Variants in RASGEF1C observed in about 807,000 individuals in gnomAD.
RASGEF1C encodes the protein ras-GEF domain-containing family member 1C.
RASGEF1C carries 27 observed loss-of-function variants against 58.1 expected under a neutral mutation model. The ratio of observed to expected loss-of-function variants is 0.46; its 90% confidence interval spans 0.34 to 0.64. The LOEUF is 0.64. Ranked by LOEUF, RASGEF1C falls within the 30% of genes least tolerant of loss-of-function variation. The probability of loss-of-function intolerance (pLI) is 0.01; values close to 1 mark genes in which losing one functional copy is unlikely to be tolerated. For missense variants in RASGEF1C, 502 were observed against 605.1 expected, an observed-to-expected ratio of 0.83 and a Z score of 1.79; for synonymous variants, 243 against 246.3, an observed-to-expected ratio of 0.99 and a Z score of 0.13.
chr5:180,129,130 G>A (rs982354386), intron 4 of RASGEF1C, among the ~76,000 whole-genome samples: 4 of 152,162 alleles, frequency 2.6e-5, no homozygotes, highest in East Asian at 3.9e-4. Flanking sequence ...CAGGGCCCAC[G>A]GGGGACTGAC....
At chr5:180,194,875 G>C (rs1756237770) in intron 1 of RASGEF1C, among the ~76,000 whole-genome samples, 1 of 152,220 alleles carries the variant, frequency 6.6e-6, no homozygotes, top group African/African-American at 2.4e-5. Context: ...TGAGTGACCT[G>C]CTGCAGCTCA....
chr5:180,173,788 C>T (rs1012478481), intron 1 of RASGEF1C, among the ~76,000 whole-genome samples: 6 of 152,080 alleles, frequency 3.9e-5, no homozygotes, highest in Non-Finnish European at 8.8e-5. Context: ...TGGTGGGCGC[C>T]TGTAATCCCA....
At chr5:180,176,868 C>CT (rs1477784725) in intron 1 of RASGEF1C, among the ~76,000 whole-genome samples, 8 of 152,154 alleles carry the variant, frequency 5.3e-5, no homozygotes, top group African/African-American at 7.2e-5. Flanking sequence ...GGGGCTAATA[C>CT]TTTTTTCCAG....
chr5:180,105,227 T>G (rs1043768107), intron 12 of RASGEF1C, among the ~76,000 whole-genome samples: 4 of 152,192 alleles, frequency 2.6e-5, no homozygotes, highest in African/African-American at 9.7e-5. Context: ...ACGGAAGCAC[T>G]TTACAGCTTC....
chr5:180,182,124 G>A, intron 1 of RASGEF1C, among the ~76,000 whole-genome samples: 1 of 146,578 alleles, frequency 6.8e-6, no homozygotes, highest in South Asian at 2.2e-4. Context: ...AGAATGGCGG[G>A]AACCCGGGAG....
chr5:180,127,574 G>T, intron 6 of RASGEF1C, 35 bp downstream of exon 6: 1 of 1,574,200 alleles, frequency 6.4e-7, no homozygotes, highest in Non-Finnish European at 8.6e-7. Flanking sequence ...ACTGGGTGAG[G>T]CTCACTTTTG....
intron 1 of RASGEF1C, among the ~76,000 whole-genome samples, chr5:180,188,579 G>A (rs574392379): frequency 2.0e-5 from 3 of 152,306 alleles, no homozygotes; most frequent in Non-Finnish European, 4.4e-5. Flanking sequence ...GCATCGGTGA[G>A]AAACCTGCAC....
At chr5:180,124,641 A>G (rs1448889299) in intron 6 of RASGEF1C, among the ~76,000 whole-genome samples, 1 of 151,704 alleles carries the variant, frequency 6.6e-6, no homozygotes, top group Admixed American at 6.6e-5. Context: ...CCTGACCAAC[A>G]TGGTGAAATC....
rs952937010 is a variant in RASGEF1C, at chr5:180,138,135, C to T, written c.-6-77G>A. ...GTGCACCTGAGTGGGAGCTGCTGGT[C>T]CCGGGGCTCCTGGCTGGGCAGGCTC... On this transcript the variant is annotated intron_variant, in intron 1 of 13. Transcript: ENST00000361132. 26 of 915,194 alleles carry T rather than the reference C, an allele frequency of 2.8e-5. No individual in the cohort carries two copies. In the Admixed American group the frequency reaches 4.5e-4, roughly 16 times the overall value. 56.7% of individuals were successfully genotyped at this position (915,194 alleles called of 1,614,324 possible).
intron 1 of RASGEF1C, among the ~76,000 whole-genome samples, chr5:180,173,208 G>A (rs1468770120): frequency 5.3e-5 from 8 of 152,226 alleles, no homozygotes; most frequent in Admixed American, 5.2e-4. Flanking sequence ...CTGCTTTCCT[G>A]CAAAAACTCA....
intron 1 of RASGEF1C, among the ~76,000 whole-genome samples, chr5:180,173,769 T>C (rs534225747): frequency 5.4e-4 from 82 of 151,848 alleles, no homozygotes; most frequent in African/African-American, 8.9e-4. Context: ...AGAAATTAGC[T>C]GGGCGTGGTG....
chr5:180,152,570 G>T (rs1450941071), intron 1 of RASGEF1C, among the ~76,000 whole-genome samples: 21 of 112,618 alleles, frequency 1.9e-4, no homozygotes, highest in African/African-American at 6.8e-4. Context: ...TTGTGGGGTG[G>T]GGGGAGGGGG....
chr5:180,199,623 A>T (rs1756344647), intron 1 of RASGEF1C, among the ~76,000 whole-genome samples: 1 of 152,134 alleles, frequency 6.6e-6, no homozygotes, highest in Admixed American at 6.5e-5. Context: ...GTGTCAGCTT[A>T]TTCAAAATTC....
In RASGEF1C at chr5:180,161,196, C is replaced by T. The variant is rs1425393901; in HGVS notation, c.-6-23138G>A. ...TAAACGCAAAGTTCCCCCACAGCCC[C>T]CAGACTAGAAAAACATTTCCCAGAT... On this transcript the variant is annotated intron_variant, in intron 1 of 13. Coordinates refer to ENST00000361132, the MANE Select transcript of RASGEF1C (RefSeq NM_175062.4). Among the ~76,000 whole-genome samples the T allele has an allele frequency of 5.3e-5, 8 of 152,218 alleles. No individual in the cohort carries two copies. In the East Asian group the frequency reaches 1.5e-3, roughly 29 times the overall value.
intron 1 of RASGEF1C, among the ~76,000 whole-genome samples, chr5:180,169,429 A>AGTGGTTGGGG (rs1437339936): frequency 6.6e-6 from 1 of 152,118 alleles, no homozygotes; most frequent in Non-Finnish European, 1.5e-5. Flanking sequence ...TCCTGGAAGC[A>AGTGGTTGGGG]GCGTTCACAA....
chr5:180,170,165 CGAGTGGATGAGT>C, intron 1 of RASGEF1C, among the ~76,000 whole-genome samples: 1 of 152,310 alleles, frequency 6.6e-6, no homozygotes, highest in East Asian at 1.9e-4. Context: ...GCCTCCTGGC[CGAGTGGATGAGT>C]GAGTGAGTGA....
At chr5:180,175,756 C>G (rs950059633) in intron 1 of RASGEF1C, among the ~76,000 whole-genome samples, 1 of 152,142 alleles carries the variant, frequency 6.6e-6, no homozygotes, top group Non-Finnish European at 1.5e-5. Flanking sequence ...TCCCAGCACT[C>G]TGGGAGGCTG....
rs1312032732 is a variant in RASGEF1C at position 180,111,524 on chromosome 5, C to T, written c.1236G>A (p.Glu412=). 1 of 1,614,214 alleles carries T rather than the reference C, an allele frequency of 6.2e-7. No individual in the cohort carries two copies. The highest frequency in any genetic ancestry group is 2.2e-5 in the East Asian group (1 of 44,884). The change falls in exon 12 of 14, where the codon GAG becomes GAA. Residue 412 remains glutamate (E), a synonymous_variant. Transcript: ENST00000361132. ...VGEFITWKQV[E]CPFEQDASIT... Reference sequence around the variant, plus strand: ...TGCTGGCGTCTTGCTCGAAGGGACACTCCACTTGTTTCCAGGTGATGAACT... The same window carrying T: ...TGCTGGCGTCTTGCTCGAAGGGACATTCCACTTGTTTCCAGGTGATGAACT...
chr5:180,138,001 G>A lies in RASGEF1C; in HGVS notation c.52C>T (p.Pro18Ser), dbSNP rs1766515695. The change falls in exon 2 of 14, where the codon CCA (proline) becomes TCA (serine). Residue 18 changes from proline to serine, a missense_variant. Transcript: ENST00000361132. Reference protein sequence around the residue: ...SDMVTPGSLSPPPTEPTDGEQ... With the variant: ...SDMVTPGSLSSPPTEPTDGEQ... ...CCATCTGTGGGCTCGGTGGGGGGTG[G>A]GCTGAGGCTGCCTGGGGTGACCATG... is the stretch of plus-strand genomic sequence containing the variant. 2 of 1,574,930 alleles carry A rather than the reference G, an allele frequency of 1.3e-6. No individual in the cohort carries two copies. Among genetic ancestry groups the A allele is most frequent in the Non-Finnish European group, 1.7e-6 (2 of 1,167,088 alleles).
Sources: gnomAD v4.1 joint callset for allele counts (sites outside exome capture counted in the v4.1 genomes callset) on GRCh38, gnomAD v4.1.1 for gene constraint, MANE v1.5 for transcripts, NCBI Gene and HGNC (gene_info 2026-07-23, HGNC 2026-07-21) for gene names.